The following HSF2 variants were observed in gnomAD, a reference collection of about 807,000 sequenced individuals.
The protein encoded by HSF2 is heat shock factor protein 2.
In HSF2, 21 loss-of-function variants were observed where a neutral mutation model predicts 65.0. The ratio of observed to expected loss-of-function variants is 0.32; its 90% CI spans 0.23 to 0.47. The LOEUF (loss-of-function observed/expected upper bound fraction) is 0.47. Ranked by LOEUF, HSF2 falls within the 20% of genes least tolerant of loss-of-function variation. HSF2 has a pLI of 1.00. For missense variants in HSF2, 499 were observed against 628.1 expected (o/e 0.79, Z 2.20); for synonymous variants, 225 against 219.1 (o/e 1.03, Z -0.24).
chr6:122,414,999 A>G (rs527303748), intron 4 of HSF2, among the ~76,000 whole-genome samples: 1 of 152,336 alleles, frequency 6.6e-6, no homozygotes, highest in African/African-American at 2.4e-5. Flanking sequence ...GTAAATATTA[A>G]AATCTCCTTT....
intron 4 of HSF2, among the ~76,000 whole-genome samples, chr6:122,414,380 C>T (rs45575331): frequency 3.2e-4 from 49 of 152,218 alleles, no homozygotes; most frequent in African/African-American, 1.1e-3. Context: ...AGATGTGAGA[C>T]GTTACTTTAG....
chr6:122,412,861 C>T (rs1387977317), intron 3 of HSF2, 97 bp downstream of exon 3: 16 of 1,131,498 alleles, frequency 1.4e-5, no homozygotes, highest in Non-Finnish European at 1.9e-5. Flanking sequence ...AAATGCACAA[C>T]TGTTCCTTGT....
Position 122,422,261 on chromosome 6 carries a change from C to T in HSF2, c.793C>T (p.Pro265Ser), listed in dbSNP as rs771607315. The stretch of plus-strand genomic sequence containing the variant: ...AGATGAAGAAAATATCCCAGTTATT[C>T]CAGAAACTAATGAGGATGTTATATC... ...NADEENIPVIPETNEDVISDP... is the reference protein window; with the variant it reads ...NADEENIPVISETNEDVISDP... Residue 265 changes from proline to serine, a missense_variant, in exon 8 of 13, where the codon CCA becomes TCA. By Grantham distance (74) the Pro-to-Ser change is moderately conservative. Around this residue, in one of 2 missense-constraint regions of HSF2, gnomAD observed 349 missense variants for 393.5 expected, o/e 0.89. Coordinates refer to ENST00000368455, the MANE Select transcript of HSF2 (RefSeq NM_004506.4). The T allele has an allele frequency of 6.3e-7, 1 of 1,599,372 alleles. No homozygotes were observed. Among genetic ancestry groups the T allele is most frequent in the South Asian group, 1.1e-5 (1 of 90,542 alleles).
chr6:122,420,832 C>T (rs966247145), intron 7 of HSF2, among the ~76,000 whole-genome samples: 1 of 142,048 alleles, frequency 7.0e-6, no homozygotes, highest in African/African-American at 2.6e-5. Flanking sequence ...CTGCCTCAGT[C>T]TCCTGAGTAG....
upstream of HSF2, chr6:122,399,593 G>A: frequency 1.5e-6 from 1 of 645,808 alleles, no homozygotes. Context: ...CGGCCTTGCC[G>A]CGCGCCTGGC....
chr6:122,414,154 G>C (rs1247720946), intron 4 of HSF2, among the ~76,000 whole-genome samples: 3 of 152,118 alleles, frequency 2.0e-5, no homozygotes, highest in Non-Finnish European at 2.9e-5. Context: ...GTATAGACTT[G>C]GAAAAGTGTT....
At chr6:122,400,240 G>A (rs1773696409) in intron 1 of HSF2, among the ~76,000 whole-genome samples, 1 of 152,138 alleles carries the variant, frequency 6.6e-6, no homozygotes, top group Non-Finnish European at 1.5e-5. Context: ...AGGGAGCCCA[G>A]GGCCAGGATC....
intron 1 of HSF2, among the ~76,000 whole-genome samples, chr6:122,405,368 A>G (rs1773847093): frequency 6.6e-6 from 1 of 152,204 alleles, no homozygotes; most frequent in South Asian, 2.1e-4. Flanking sequence ...GTTAAGATGC[A>G]ATCATAAGTC....
chr6:122,422,591 C>T (rs1053845975), intron 8 of HSF2, 127 bp from the exon 9 acceptor site: 2 of 949,454 alleles, frequency 2.1e-6, no homozygotes, highest in Non-Finnish European at 1.6e-6. Context: ...GATTAAGCTG[C>T]TCGCTCAAGA....
intron 1 of HSF2, among the ~76,000 whole-genome samples, chr6:122,405,981 A>G (rs1012612283): frequency 2.0e-5 from 3 of 152,166 alleles, no homozygotes; most frequent in African/African-American, 7.2e-5. Context: ...GCTGACCACC[A>G]TTAATATCAA....
intron 1 of HSF2, among the ~76,000 whole-genome samples, chr6:122,405,331 A>C (rs1329223155): frequency 6.6e-6 from 1 of 152,152 alleles, no homozygotes; most frequent in Non-Finnish European, 1.5e-5. Context: ...AATGCCTTTA[A>C]AAAACACCAA....
At chr6:122,428,302 A>G (rs1582621085) in intron 11 of HSF2, among the ~76,000 whole-genome samples, 1 of 151,866 alleles carries the variant, frequency 6.6e-6, no homozygotes, top group Non-Finnish European at 1.5e-5. Flanking sequence ...CCTATTCTCA[A>G]CTTTTTTATT....
intron 9 of HSF2, 22 bp downstream of exon 9, chr6:122,422,979 G>A (rs750807081): frequency 1.9e-6 from 3 of 1,610,910 alleles, no homozygotes; most frequent in South Asian, 1.1e-5. Context: ...TCTAGATGTT[G>A]TCTAAAATTA....
At chr6:122,410,287 TCTTC>T (rs1261922074) in intron 1 of HSF2, among the ~76,000 whole-genome samples, 1 of 151,930 alleles carries the variant, frequency 6.6e-6, no homozygotes, top group African/African-American at 2.4e-5. Flanking sequence ...ACTGCATTTG[TCTTC>T]CTTTTGTATT....
intron 9 of HSF2, among the ~76,000 whole-genome samples, chr6:122,423,246 A>G (rs953951418): frequency 2.0e-5 from 3 of 152,176 alleles, no homozygotes; most frequent in African/African-American, 7.2e-5. Flanking sequence ...AGAATAATGT[A>G]ATTTCTAGTA....
intron 11 of HSF2, 45 bp from the exon 12 acceptor site, chr6:122,431,385 A>G: frequency 1.1e-6 from 1 of 949,842 alleles, no homozygotes; most frequent in Non-Finnish European, 1.5e-6. Flanking sequence ...TTTCAGAAAC[A>G]TAAAATATGA....
rs554046724 is a variant in HSF2, at chr6:122,413,976, T to G, written c.455+327T>G. ...ATGATTCTATTTAGGTTAGCTCATA[T>G]GGTGCTCATAGACAATGAGGGCATA... On this transcript the variant is annotated intron_variant, in intron 4 of 12. Coordinates refer to ENST00000368455, the MANE Select transcript of HSF2 (RefSeq NM_004506.4). Among the ~76,000 whole-genome samples, 27 of 152,252 alleles carry G rather than the reference T, an allele frequency of 1.8e-4. No homozygotes were observed. In the South Asian group the frequency reaches 5.0e-3, roughly 28 times the overall value.
At chr6:122,417,211 T>C (rs538752036) in intron 5 of HSF2, among the ~76,000 whole-genome samples, 6 of 152,206 alleles carry the variant, frequency 3.9e-5, no homozygotes, top group African/African-American at 1.4e-4. Context: ...GTTCTAAGTG[T>C]TTAGTCCAAG....
At chr6:122,413,429 G>T in intron 3 of HSF2, 96 bp from the exon 4 acceptor site, 2 of 851,342 alleles carry the variant, frequency 2.3e-6, no homozygotes, top group Non-Finnish European at 3.6e-6. Flanking sequence ...CTCACTTCCT[G>T]AACAGGCTAC....
Sources: allele counts gnomAD v4.1 joint callset (sites outside exome capture counted in the v4.1 genomes callset), GRCh38; gene constraint gnomAD v4.1.1; regional missense constraint gnomAD v4.1.1; transcripts MANE v1.5; gene names NCBI Gene and HGNC (gene_info 2026-07-23, HGNC 2026-07-21).